Variants in ATL3 observed in about 807,000 individuals in gnomAD.
The protein encoded by ATL3 is atlastin GTPase 3.
In ATL3, 49 loss-of-function variants were observed where a neutral mutation model predicts 69.5. The observed-to-expected ratio is 0.71, with a 90% CI of 0.56 to 0.89. The LOEUF is 0.89. Among genes scored for constraint, ATL3 ranks in the 40% least tolerant of loss-of-function variants. ATL3 has a pLI of 0.00. For missense variants in ATL3, 606 were observed against 645.7 expected (o/e 0.94, Z 0.67); for synonymous variants, 214 against 224.1 (o/e 0.95, Z 0.40).
chr11:63,659,005 C>G (rs1451662479), intron 2 of ATL3, 33 bp downstream of exon 2: 3 of 1,609,244 alleles, frequency 1.9e-6, no homozygotes, highest in Non-Finnish European at 2.6e-6. Context: ...TAAAGTCTCA[C>G]TTTTTACTTG....
At chr11:63,639,856 C>T (rs1276289253) in intron 8 of ATL3, among the ~76,000 whole-genome samples, 1 of 152,012 alleles carries the variant, frequency 6.6e-6, no homozygotes, top group Non-Finnish European at 1.5e-5. Context: ...TATGCTACTC[C>T]ACTATCTTTC....
At chr11:63,629,834 A>C (rs1052578837) in intron 12 of ATL3, among the ~76,000 whole-genome samples, 4 of 151,984 alleles carry the variant, frequency 2.6e-5, no homozygotes, top group African/African-American at 9.7e-5. Context: ...AGTTACAATG[A>C]GCTAAGATAC....
At chr11:63,641,175 T>C (rs1939689496) in intron 8 of ATL3, among the ~76,000 whole-genome samples, 1 of 152,250 alleles carries the variant, frequency 6.6e-6, no homozygotes, top group Non-Finnish European at 1.5e-5. Flanking sequence ...CAGTGCATTT[T>C]ATATAGCTCT....
At position 63,627,676 on chromosome 11, in the gene ATL3, C is replaced by G. The variant is rs1939160073; in HGVS notation, c.*1643G>C. On this transcript the variant is annotated 3_prime_UTR_variant, in exon 13 of 13. Coordinates refer to ENST00000398868, the MANE Select transcript of ATL3 (RefSeq NM_015459.5). ...GAATGTTTATATAAATACTTGCAGG[C>G]AAGTTTTAAGTTTTAAAATCCACAA... 1 of 152,058 alleles carries G rather than the reference C, an allele frequency of 6.6e-6. No individual in the cohort carries two copies. The highest frequency in any genetic ancestry group is 2.4e-5 in the African/African-American group (1 of 41,408). The allele number at this position is 152,058 out of a possible 1,614,324, so 9.4% of individuals were successfully genotyped here.
Position 63,658,694 on chromosome 11 carries a change from C to A in ATL3, c.405+67G>T. The stretch of plus-strand genomic sequence containing the variant: ...TAAAAGGTTTTTAATTGGGTTAACA[C>A]AGTACATGCTGAAGTTCATATTTTG... On this transcript the variant is annotated intron_variant, in intron 3 of 12. Coordinates refer to ENST00000398868, the MANE Select transcript of ATL3 (RefSeq NM_015459.5). 2.7e-6 allele frequency: 4 copies of A among 1,498,908 alleles called. No homozygotes were observed. The South Asian group carries it at 5.4e-5, about 20-fold the overall frequency. 92.9% of individuals were successfully genotyped at this position (1,498,908 alleles called of 1,614,324 possible). A position where few individuals can be genotyped will look rare whatever the true frequency, so the allele number is the denominator to read the frequency against.
intron 5 of ATL3, 82 bp downstream of exon 5, chr11:63,651,854 A>G: frequency 6.7e-7 from 1 of 1,491,986 alleles, no homozygotes; most frequent in East Asian, 2.5e-5. Context: ...TCTTTTGCTA[A>G]AAACTACTCA....
intron 11 of ATL3, chr11:63,632,206 G>T: frequency 1.7e-6 from 1 of 599,390 alleles, no homozygotes; most frequent in Non-Finnish European, 3.1e-6. Flanking sequence ...AATGGTGGCA[G>T]AGTCTACATA....
chr11:63,668,879 A>C (rs1940675579), intron 1 of ATL3, among the ~76,000 whole-genome samples: 1 of 148,948 alleles, frequency 6.7e-6, no homozygotes, highest in African/African-American at 2.5e-5. Context: ...TCACTGCAGA[A>C]AAAAGAAAAA....
intron 10 of ATL3, 75 bp from the exon 11 acceptor site, chr11:63,633,172 C>A (rs972474039): frequency 2.9e-5 from 35 of 1,187,608 alleles, no homozygotes; most frequent in Non-Finnish European, 4.2e-5. Context: ...TAACAAAAAT[C>A]TTCTCTATTC....
chr11:63,671,276 A>T lies in ATL3; in HGVS notation c.46+14T>A. ...GGTGGCCGCGGGGCGATCCAGGGAA[A>T]ATCGGCGCCTCACCTGCTCCTCTTG... On this transcript the variant is annotated intron_variant, in intron 1 of 12. Transcript: ENST00000398868. 1 of 1,578,426 alleles carries T rather than the reference A, an allele frequency of 6.3e-7. No individual in the cohort carries two copies. The highest frequency in any genetic ancestry group is 8.6e-7 in the Non-Finnish European group (1 of 1,164,810).
chr11:63,630,456 A>T (rs1164626247), intron 12 of ATL3, among the ~76,000 whole-genome samples: 1 of 149,206 alleles, frequency 6.7e-6, no homozygotes, highest in Non-Finnish European at 1.5e-5. Context: ...AAAGTTGCCA[A>T]AGGGGAACAC....
chr11:63,669,747 G>C (rs1019926322), intron 1 of ATL3, among the ~76,000 whole-genome samples: 5 of 152,092 alleles, frequency 3.3e-5, no homozygotes, highest in African/African-American at 1.2e-4. Flanking sequence ...AGGAGTTCGA[G>C]ACCAGCCTGG....
intron 3 of ATL3, among the ~76,000 whole-genome samples, chr11:63,653,414 G>A (rs779552617): frequency 9.9e-5 from 15 of 151,362 alleles, no homozygotes; most frequent in Middle Eastern, 3.2e-3. Flanking sequence ...GCAGTGAGCC[G>A]AGACCACACT....
chr11:63,658,467 A>G (rs1019961487), intron 3 of ATL3, among the ~76,000 whole-genome samples: 8 of 152,234 alleles, frequency 5.3e-5, no homozygotes, highest in Non-Finnish European at 1.2e-4. Context: ...AAAAGTCTGT[A>G]TAGCTTTTAG....
At chr11:63,633,575 A>C (rs915270178) in intron 10 of ATL3, among the ~76,000 whole-genome samples, 1 of 151,826 alleles carries the variant, frequency 6.6e-6, no homozygotes, top group Middle Eastern at 3.2e-3. Context: ...GCAGAGCTAG[A>C]GTCTCCCTAT....
At position 63,629,141 on chromosome 11, in the gene ATL3, G is replaced by A. The variant is rs1218285426; in HGVS notation, c.*178C>T. ...AAATGCTTCCAAGAGAAATGGAAGT[G>A]TGTTTAATAATTTGAAACCACAGGA... On this transcript the variant is annotated 3_prime_UTR_variant, in exon 13 of 13. Transcript: ENST00000398868. 2 of 581,422 alleles carry A rather than the reference G, an allele frequency of 3.4e-6. No individual in the cohort carries two copies. The highest frequency in any genetic ancestry group is 6.2e-6 in the Non-Finnish European group (2 of 321,516). The allele number at this position is 581,422 out of a possible 1,614,324, so 36.0% of individuals were successfully genotyped here.
chr11:63,669,905 G>T (rs920461267), intron 1 of ATL3, among the ~76,000 whole-genome samples: 2 of 151,962 alleles, frequency 1.3e-5, no homozygotes, highest in African/African-American at 4.8e-5. Flanking sequence ...CCGAGACTGC[G>T]CCACTGTACT....
chr11:63,659,208 A>C lies in ATL3; in HGVS notation c.91T>G (p.Leu31Val). ...SSKPGPVQVV[L>V]VQKDQHSFEL... Reference sequence around the variant, plus strand: ...AAGGAATGTTGATCTTTCTGAACCAAAACAACCTGCACTGGACCAGGCTTG... The same window carrying C: ...AAGGAATGTTGATCTTTCTGAACCACAACAACCTGCACTGGACCAGGCTTG... Residue 31 changes from leucine (L) to valine (V), a missense_variant, in exon 2 of 13, where the codon TTG becomes GTG. Transcript: ENST00000398868. 1 of 1,614,164 alleles carries C rather than the reference A, an allele frequency of 6.2e-7. No homozygotes were observed. The highest frequency in any genetic ancestry group is 8.5e-7 in the Non-Finnish European group (1 of 1,180,026).
At chr11:63,658,939 T>G (rs1310357539) in intron 2 of ATL3, 35 bp from the exon 3 acceptor site, 1 of 1,582,228 alleles carries the variant, frequency 6.3e-7, no homozygotes, top group African/African-American at 1.4e-5. Context: ...AAATCTTAAA[T>G]TAAAAATTTT....
Sources: allele counts gnomAD v4.1 joint callset (sites outside exome capture counted in the v4.1 genomes callset), GRCh38; gene constraint gnomAD v4.1.1; transcripts MANE v1.5; gene names NCBI Gene and HGNC (gene_info 2026-07-23, HGNC 2026-07-21).